Variants in ZFYVE16 observed in about 807,000 individuals in gnomAD.
The protein encoded by ZFYVE16 is zinc finger FYVE domain-containing protein 16.
Under a neutral mutation model 138.1 loss-of-function variants are expected in ZFYVE16, and 89 were observed. The ratio of observed to expected loss-of-function variants is 0.64; its 90% CI spans 0.54 to 0.77. The LOEUF (loss-of-function observed/expected upper bound fraction) is 0.77. Ranked by LOEUF, ZFYVE16 falls within the 30% of genes least tolerant of loss-of-function variation. The pLI, the probability that ZFYVE16 is intolerant of heterozygous loss-of-function variation, is 0.00. For missense variants in ZFYVE16, 1,793 were observed against 1,786.7 expected, an observed-to-expected ratio of 1.00 and a Z score of -0.06; for synonymous variants, 596 against 618.3, an observed-to-expected ratio of 0.96 and a Z score of 0.53.
chr5:80,433,950 CA>C (rs1299125816), intron 2 of ZFYVE16, among the ~76,000 whole-genome samples, 158 bp from the exon 3 acceptor site: 3 of 152,238 alleles, frequency 2.0e-5, no homozygotes, highest in African/African-American at 4.8e-5. Flanking sequence ...TTTACATATA[CA>C]GGGGCAGTTT....
chr5:80,429,480 C>G (rs1748653639), intron 2 of ZFYVE16, among the ~76,000 whole-genome samples: 1 of 152,194 alleles, frequency 6.6e-6, no homozygotes, highest in Admixed American at 6.5e-5. Flanking sequence ...CAGCTGGTAC[C>G]AGCCACTGCA....
intron 18 of ZFYVE16, among the ~76,000 whole-genome samples, chr5:80,476,986 A>C (rs951585453): frequency 1.3e-5 from 2 of 152,208 alleles, no homozygotes; most frequent in African/African-American, 4.8e-5. Context: ...GAGGAAACGT[A>C]AAGTATGACA....
chr5:80,457,942 C>T (rs1421174626), intron 14 of ZFYVE16, among the ~76,000 whole-genome samples: 4 of 149,534 alleles, frequency 2.7e-5, no homozygotes, highest in South Asian at 2.1e-4. Context: ...GGGAGAATGG[C>T]GTGAACCCGG....
chr5:80,426,262 GTGTGTGT>G (rs1748023669), intron 1 of ZFYVE16, among the ~76,000 whole-genome samples: 1 of 57,130 alleles, frequency 1.8e-5, no homozygotes, highest in African/African-American at 4.4e-5. Flanking sequence ...GTGTGTGTGT[GTGTGTGT>G]GTGTATATAT....
intron 1 of ZFYVE16, among the ~76,000 whole-genome samples, chr5:80,417,808 G>A (rs1007983950): frequency 6.6e-6 from 1 of 152,196 alleles, no homozygotes; most frequent in African/African-American, 2.4e-5. Flanking sequence ...TTGTGTGAAT[G>A]TAAATTTTCA....
chr5:80,408,212 G>T (rs143477949), intron 1 of ZFYVE16, 59 bp downstream of exon 1: 7 of 152,402 alleles, frequency 4.6e-5, no homozygotes, highest in East Asian at 1.9e-4. Flanking sequence ...GTTCCCACAG[G>T]GGGGCGGGGT....
rs971334620 is a variant in ZFYVE16, at chr5:80,457,208, A to G, written c.3943+116A>G. 1.1e-5 allele frequency: 15 copies of G among 1,403,348 alleles called. No homozygotes were observed. The African/African-American group carries it at 1.2e-4, about 11-fold the overall frequency. 86.9% of individuals were successfully genotyped at this position (1,403,348 alleles called of 1,614,324 possible). On this transcript the variant is annotated intron_variant, in intron 14 of 18. Coordinates refer to ENST00000505560, the MANE Select transcript of ZFYVE16 (RefSeq NM_001284236.3). ...TTGCTGAATTGTTGGTGATAAAACA[A>G]TATGTTTTGAAATTTCAGCTACACA...
chr5:80,436,758 G>A lies in ZFYVE16; in HGVS notation c.73G>A (p.Glu25Lys), dbSNP rs553605915. The A allele has an allele frequency of 8.7e-6, 14 of 1,604,144 alleles. No individual in the cohort carries two copies. The highest frequency in any genetic ancestry group is 2.2e-5 in the South Asian group (2 of 90,056). The change falls in exon 4 of 19, where the codon GAA becomes AAA. Residue 25 changes from glutamate to lysine, a missense_variant and splice_region_variant. Transcript: ENST00000505560. ...ATAACACTGTTTCTCTATTTCAGAT[G>A]AACAAGATTATCTCCAAGATGTACA... ...LLDDFEQNPD[E>K]QDYLQDVQNA...
chr5:80,416,995 G>C (rs1283233938), intron 1 of ZFYVE16, among the ~76,000 whole-genome samples: 2 of 152,126 alleles, frequency 1.3e-5, no homozygotes, highest in Non-Finnish European at 2.9e-5. Context: ...AGCTGAACAT[G>C]AATTTATATT....
At chr5:80,426,222 G>A (rs1311342896) in intron 1 of ZFYVE16, among the ~76,000 whole-genome samples, 1 of 142,988 alleles carries the variant, frequency 7.0e-6, no homozygotes, top group African/African-American at 2.7e-5. Context: ...GTGTGTGTGT[G>A]TGTGTGTATG....
chr5:80,464,205 G>A (rs1753441429), intron 15 of ZFYVE16, among the ~76,000 whole-genome samples: 2 of 152,022 alleles, frequency 1.3e-5, no homozygotes, highest in South Asian at 2.1e-4. Context: ...GCTGCTATAA[G>A]GACATACCCG....
rs1324161343 is a variant in ZFYVE16, at chr5:80,451,468, A to G, written c.3383-17A>G. Reference sequence around the variant, plus strand: ...CAAAACAACTTAAAATCTTTTTACTAATGATTTTATTTGCAGGAAAATACA... The same window carrying G: ...CAAAACAACTTAAAATCTTTTTACTGATGATTTTATTTGCAGGAAAATACA... On this transcript the variant is annotated splice_polypyrimidine_tract_variant and intron_variant, in intron 10 of 18. Transcript: ENST00000505560. 2 of 1,560,920 alleles carry G rather than the reference A, an allele frequency of 1.3e-6. No individual in the cohort carries two copies. Among genetic ancestry groups the G allele is most frequent in the Admixed American group, 1.9e-5 (1 of 51,860 alleles).
At chr5:80,436,330 G>T (rs1749900345) in intron 3 of ZFYVE16, among the ~76,000 whole-genome samples, 1 of 152,174 alleles carries the variant, frequency 6.6e-6, no homozygotes, top group African/African-American at 2.4e-5. Flanking sequence ...CCAACTTGAG[G>T]AGTCCTCCCA....
chr5:80,456,714 G>C, intron 13 of ZFYVE16, 149 bp downstream of exon 13: 1 of 880,948 alleles, frequency 1.1e-6, no homozygotes, highest in Middle Eastern at 3.6e-4. Context: ...TTTGTTTACT[G>C]TAAATAATCT....
intron 15 of ZFYVE16, among the ~76,000 whole-genome samples, chr5:80,470,263 G>T (rs2112540308): frequency 6.6e-6 from 1 of 151,444 alleles, no homozygotes; most frequent in South Asian, 2.1e-4. Flanking sequence ...CACCACACCT[G>T]GCTAATTTTT....
At chr5:80,420,499 A>T (rs868495186) in intron 1 of ZFYVE16, among the ~76,000 whole-genome samples, 2 of 151,788 alleles carry the variant, frequency 1.3e-5, no homozygotes, top group Non-Finnish European at 1.5e-5. Flanking sequence ...CCTGTGTCCA[A>T]GTGTTCTCAT....
intron 5 of ZFYVE16, chr5:80,442,089 C>A: frequency 3.3e-6 from 1 of 304,676 alleles, no homozygotes; most frequent in Non-Finnish European, 4.8e-6. Context: ...AGATAGTTAA[C>A]AGATTAGTGG....
chr5:80,464,585 G>C (rs954437740), intron 15 of ZFYVE16, among the ~76,000 whole-genome samples: 2 of 152,142 alleles, frequency 1.3e-5, no homozygotes, highest in Non-Finnish European at 2.9e-5. Context: ...TAATTTGTTG[G>C]CATAACATTG....
chr5:80,443,565 C>G (rs1471879149), intron 6 of ZFYVE16, among the ~76,000 whole-genome samples: 1 of 152,148 alleles, frequency 6.6e-6, no homozygotes, highest in Non-Finnish European at 1.5e-5. Flanking sequence ...CCAGGAGGTG[C>G]TTGGATCTCA....
Sources: allele counts gnomAD v4.1 joint callset (sites outside exome capture counted in the v4.1 genomes callset), GRCh38; gene constraint gnomAD v4.1.1; transcripts MANE v1.5; gene names NCBI Gene and HGNC (gene_info 2026-07-23, HGNC 2026-07-21).